PID1: variants seen among roughly 807,000 people sequenced by gnomAD.
PID1 encodes the protein PTB-containing, cubilin and LRP1-interacting protein.
In PID1, 10 loss-of-function variants were observed where a neutral mutation model predicts 19.1. The ratio of observed to expected loss-of-function variants is 0.52; its 90% CI spans 0.32 to 0.89. The LOEUF (loss-of-function observed/expected upper bound fraction) is 0.89. Among genes scored for constraint, PID1 ranks in the 40% least tolerant of loss-of-function variants. The pLI is 0.03. For missense variants in PID1, 248 were observed against 285.3 expected (o/e 0.87, Z 0.94); for synonymous variants, 130 against 116.0 (o/e 1.12, Z -0.78).
intron 2 of PID1, among the ~76,000 whole-genome samples, chr2:229,144,695 T>A (rs190336149): frequency 6.6e-6 from 1 of 152,092 alleles, no homozygotes; most frequent in Non-Finnish European, 1.5e-5. Context: ...TCTATCATAA[T>A]GGGATAAAGT....
At chr2:229,063,612 A>T (rs1235837878) in intron 2 of PID1, among the ~76,000 whole-genome samples, 1 of 152,032 alleles carries the variant, frequency 6.6e-6, no homozygotes, top group Non-Finnish European at 1.5e-5. Context: ...TGTTGAATGG[A>T]GTATTCTATA....
chr2:229,257,271 T>C (rs745690646), intron 1 of PID1, among the ~76,000 whole-genome samples: 3 of 152,212 alleles, frequency 2.0e-5, no homozygotes, highest in East Asian at 1.9e-4. Context: ...CCATATCTTA[T>C]AGATAATTAT....
rs550386494 is a variant in PID1 at position 229,271,080 on chromosome 2, G to A, written c.-37C>T. On this transcript the variant is annotated 5_prime_UTR_variant, in exon 1 of 3. Coordinates refer to ENST00000392055, the MANE Select transcript of PID1 (RefSeq NM_001100818.2). ...GGGTTTTGGCAGAGGAGACGCTGGC[G>A]AGACTGTCGATCGCGCCGGGGGGCG... is the stretch of plus-strand genomic sequence containing the variant. 3.0e-5 allele frequency: 46 copies of A among 1,538,682 alleles called. 1 individual carries two copies. The South Asian group carries it at 5.2e-4, about 17-fold the overall frequency.
At chr2:229,151,275 G>A (rs1690245548) in intron 2 of PID1, among the ~76,000 whole-genome samples, 1 of 152,134 alleles carries the variant, frequency 6.6e-6, no homozygotes, top group Non-Finnish European at 1.5e-5. Flanking sequence ...CAATGGCAGT[G>A]GAATCCGGTG....
intron 2 of PID1, among the ~76,000 whole-genome samples, chr2:229,111,955 C>A (rs927886649): frequency 2.0e-5 from 3 of 152,168 alleles, no homozygotes; most frequent in Non-Finnish European, 4.4e-5. Context: ...GCTAAAGCTT[C>A]AAAGATGAAT....
chr2:229,054,712 GT>G (rs1694060271), intron 2 of PID1, among the ~76,000 whole-genome samples: 3 of 50,062 alleles, frequency 6.0e-5, no homozygotes, highest in Non-Finnish European at 9.4e-5. Context: ...CAGTGTGTGT[GT>G]GTGTGTGGGG....
chr2:229,164,209 A>C (rs1248622849), intron 1 of PID1, among the ~76,000 whole-genome samples: 1 of 152,106 alleles, frequency 6.6e-6, no homozygotes, highest in Non-Finnish European at 1.5e-5. Context: ...ACTCCCATAC[A>C]TTACTTGCTT....
At chr2:229,056,519 C>T (rs561846528) in intron 2 of PID1, among the ~76,000 whole-genome samples, 14 of 151,732 alleles carry the variant, frequency 9.2e-5, no homozygotes, top group African/African-American at 3.4e-4. Flanking sequence ...ATCAATAAGG[C>T]CTCAGCATAA....
intron 1 of PID1, chr2:229,262,627 T>A: frequency 6.5e-7 from 1 of 1,537,202 alleles, no homozygotes; most frequent in Non-Finnish European, 8.8e-7. Flanking sequence ...CTAGGGCTGT[T>A]GTAACAAATA....
intron 2 of PID1, among the ~76,000 whole-genome samples, chr2:229,150,014 G>A (rs1054269386): frequency 6.6e-6 from 1 of 152,104 alleles, no homozygotes; most frequent in Non-Finnish European, 1.5e-5. Context: ...GAGGCGGGTG[G>A]ATCACTTGAG....
At chr2:229,190,523 G>C (rs1386181247) in intron 1 of PID1, among the ~76,000 whole-genome samples, 1 of 152,206 alleles carries the variant, frequency 6.6e-6, no homozygotes, top group African/African-American at 2.4e-5. Context: ...AGAGAGAGAG[G>C]ATGTGAACAT....
intron 2 of PID1, among the ~76,000 whole-genome samples, chr2:229,098,224 T>C (rs1453492019): frequency 2.0e-5 from 3 of 152,196 alleles, no homozygotes; most frequent in African/African-American, 7.2e-5. Flanking sequence ...GCTTGGACAA[T>C]TATCTTTTCT....
At chr2:229,158,482 A>C (rs1467222821) in intron 1 of PID1, among the ~76,000 whole-genome samples, 1 of 152,230 alleles carries the variant, frequency 6.6e-6, no homozygotes, top group Non-Finnish European at 1.5e-5. Context: ...TAGGAGCAGA[A>C]ACTATTTTAT....
At chr2:229,185,069 T>TATATATCCTAC (rs75302836) in intron 1 of PID1, among the ~76,000 whole-genome samples, 119,079 of 139,662 alleles carry the variant, frequency 0.85, 50,990 homozygotes, top group Middle Eastern at 0.9. Flanking sequence ...ATCCTCCATA[T>TATATATCCTAC]ATATATATCC....
chr2:229,168,809 T>C (rs940441276), intron 1 of PID1, among the ~76,000 whole-genome samples: 21 of 152,200 alleles, frequency 1.4e-4, no homozygotes, highest in East Asian at 5.8e-4. Flanking sequence ...CATTTTTACA[T>C]TGCATTCTTC....
intron 1 of PID1, among the ~76,000 whole-genome samples, chr2:229,195,882 T>C (rs944843457): frequency 5.3e-5 from 8 of 152,058 alleles, no homozygotes; most frequent in African/African-American, 1.9e-4. Context: ...ACACATCATT[T>C]TTATAGACTG....
At chr2:229,192,684 T>C (rs909092973) in intron 1 of PID1, among the ~76,000 whole-genome samples, 4 of 152,200 alleles carry the variant, frequency 2.6e-5, no homozygotes, top group African/African-American at 9.6e-5. Flanking sequence ...ATAATCATAG[T>C]GATACCTATA....
chr2:229,160,962 C>A (rs1334623479), intron 1 of PID1, among the ~76,000 whole-genome samples: 1 of 152,160 alleles, frequency 6.6e-6, no homozygotes, highest in Non-Finnish European at 1.5e-5. Context: ...CTGTCCCCTT[C>A]CTTGGGGAAG....
intron 2 of PID1, among the ~76,000 whole-genome samples, chr2:229,149,227 T>C (rs1690197929): frequency 6.6e-6 from 1 of 151,934 alleles, no homozygotes; most frequent in Non-Finnish European, 1.5e-5. Context: ...GGTGGTCACA[T>C]AATAAAACTA....
Sources: allele counts gnomAD v4.1 joint callset (sites outside exome capture counted in the v4.1 genomes callset), GRCh38; gene constraint gnomAD v4.1.1; transcripts MANE v1.5; gene names NCBI Gene and HGNC (gene_info 2026-07-23, HGNC 2026-07-21).